The following NRP1 variants were observed in gnomAD, a reference collection of about 807,000 sequenced individuals.
NRP1 encodes the protein neuropilin 1, also known as neuropilin-1.
In NRP1, 35 loss-of-function variants were observed where a neutral mutation model predicts 106.7. The observed-to-expected ratio is 0.33, with a 90% CI of 0.25 to 0.43. The LOEUF is 0.43. NRP1 is among the 20% of genes least tolerant of loss of function. NRP1 has a pLI of 1.00. For missense variants in NRP1, 1,024 were observed against 1,170.4 expected (o/e 0.87, Z 1.83); for synonymous variants, 437 against 417.9 (o/e 1.05, Z -0.56).
intron 2 of NRP1, among the ~76,000 whole-genome samples, chr10:33,299,459 C>T (rs1176091435): frequency 6.6e-6 from 1 of 152,076 alleles, no homozygotes; most frequent in Non-Finnish European, 1.5e-5. Flanking sequence ...TGAGGCAGGC[C>T]CACTTCTAGG....
chr10:33,215,823 C>A (rs887768754), intron 8 of NRP1, among the ~76,000 whole-genome samples: 1 of 152,174 alleles, frequency 6.6e-6, no homozygotes, highest in Non-Finnish European at 1.5e-5. Flanking sequence ...AAATTACGCA[C>A]GTCATTTTCA....
intron 10 of NRP1, among the ~76,000 whole-genome samples, chr10:33,204,202 G>A (rs1308231809): frequency 3.3e-5 from 5 of 152,100 alleles, no homozygotes; most frequent in Non-Finnish European, 5.9e-5. Context: ...CTCGCCAGTA[G>A]GAATGTGTCA....
chr10:33,181,543 G>A (rs1804815361), intron 16 of NRP1, among the ~76,000 whole-genome samples: 2 of 152,304 alleles, frequency 1.3e-5, no homozygotes, highest in South Asian at 4.1e-4. Context: ...GAGTGATGGT[G>A]GAGCAAGTGT....
chr10:33,239,720 C>G (rs1840866761), intron 6 of NRP1, among the ~76,000 whole-genome samples: 1 of 152,158 alleles, frequency 6.6e-6, no homozygotes, highest in African/African-American at 2.4e-5. Context: ...TGGAGTTACC[C>G]CCAAAGGCAT....
intron 8 of NRP1, among the ~76,000 whole-genome samples, chr10:33,215,729 C>A (rs981644434): frequency 2.0e-5 from 3 of 152,216 alleles, no homozygotes; most frequent in African/African-American, 7.2e-5. Context: ...CTTAAGAATT[C>A]ATTACTCAGA....
chr10:33,267,500 C>A (rs1192156027), intron 3 of NRP1, among the ~76,000 whole-genome samples: 1 of 152,150 alleles, frequency 6.6e-6, no homozygotes, highest in African/African-American at 2.4e-5. Flanking sequence ...TCAAGATACT[C>A]TCTTTGGAAT....
chr10:33,302,503 C>T (rs1245427447), intron 2 of NRP1, among the ~76,000 whole-genome samples: 1 of 152,246 alleles, frequency 6.6e-6, no homozygotes, highest in Non-Finnish European at 1.5e-5. Context: ...TTGCCAGCCA[C>T]TCTTATTTTC....
At chr10:33,217,280 T>C (rs978720789) in intron 8 of NRP1, among the ~76,000 whole-genome samples, 2 of 152,122 alleles carry the variant, frequency 1.3e-5, no homozygotes, top group African/African-American at 4.8e-5. Flanking sequence ...GGGGCACAGT[T>C]TCTGTATTCA....
rs953717778 is a variant in NRP1, at chr10:33,244,925, T to C, written c.981+9103A>G. ...CTTTTCTTAATCCCATCCTTATTAG[T>C]GCATTTTGAGACCCAATTGTACAGG... On this transcript the variant is annotated intron_variant, in intron 6 of 16. Coordinates refer to ENST00000374867, the MANE Select transcript of NRP1 (RefSeq NM_003873.7). Among the ~76,000 whole-genome samples the C allele has an allele frequency of 5.9e-5, 9 of 152,202 alleles. No homozygotes were observed. The East Asian group carries it at 9.6e-4, about 16-fold the overall frequency.
chr10:33,184,260 C>T (rs1486992192), intron 15 of NRP1, among the ~76,000 whole-genome samples: 3 of 152,190 alleles, frequency 2.0e-5, no homozygotes, highest in Non-Finnish European at 2.9e-5. Context: ...AAATGATCCT[C>T]CTGCCTCGGC....
intron 2 of NRP1, among the ~76,000 whole-genome samples, chr10:33,281,260 G>T (rs1181094641): frequency 6.6e-6 from 1 of 152,080 alleles, no homozygotes; most frequent in Non-Finnish European, 1.5e-5. Flanking sequence ...ACATTGGCCA[G>T]GCTGGTCTTG....
intron 13 of NRP1, among the ~76,000 whole-genome samples, chr10:33,190,522 T>C (rs1564365521): frequency 6.6e-6 from 1 of 152,172 alleles, no homozygotes; most frequent in Non-Finnish European, 1.5e-5. Flanking sequence ...TCAACCTATT[T>C]AATGGTTATA....
rs577970366 is a variant in NRP1, at chr10:33,212,276, A to T, written c.1614+1110T>A. 2.0e-5 allele frequency: 3 copies of T among 152,392 alleles called. No homozygotes were observed. In the South Asian group the frequency reaches 6.2e-4, roughly 32 times the overall value. 9.4% of individuals were successfully genotyped at this position (152,392 alleles called of 1,614,324 possible). A position where few individuals can be genotyped will look rare whatever the true frequency, so the allele number is the denominator to read the frequency against. The stretch of plus-strand genomic sequence containing the variant: ...CAATAGCTAAAGGTGACAGCAATTC[A>T]AGTGTCCATCAGTGGCTGAATGGAT... On this transcript the variant is annotated intron_variant, in intron 9 of 16. Transcript: ENST00000374867.
At chr10:33,192,179 A>T in intron 13 of NRP1, 102 bp downstream of exon 13, 1 of 1,290,238 alleles carries the variant, frequency 7.8e-7, no homozygotes, top group Non-Finnish European at 1.1e-6. Flanking sequence ...AGTAATTCCT[A>T]CCCGCCCTAA....
chr10:33,239,855 G>A (rs572726050), intron 6 of NRP1, among the ~76,000 whole-genome samples: 28 of 152,292 alleles, frequency 1.8e-4, no homozygotes, highest in Admixed American at 1.7e-3. Flanking sequence ...GGATGTTTAT[G>A]TATCAGATGT....
chr10:33,225,375 C>A (rs1203691581), intron 7 of NRP1, among the ~76,000 whole-genome samples: 1 of 152,198 alleles, frequency 6.6e-6, no homozygotes, highest in African/African-American at 2.4e-5. Flanking sequence ...ATCTTTGCTC[C>A]TATCCTCATC....
chr10:33,237,019 C>A (rs933666265), intron 6 of NRP1, among the ~76,000 whole-genome samples: 2 of 151,672 alleles, frequency 1.3e-5, no homozygotes, highest in African/African-American at 4.8e-5. Context: ...GCAATTATTA[C>A]CTCTGCTTGG....
At chr10:33,273,834 C>A (rs377606915) in intron 2 of NRP1, among the ~76,000 whole-genome samples, 4 of 152,122 alleles carry the variant, frequency 2.6e-5, no homozygotes, top group African/African-American at 9.7e-5. Flanking sequence ...CACAAGGAGG[C>A]TATGAATGGG....
chr10:33,254,737 T>TG (rs1842087107), intron 5 of NRP1, among the ~76,000 whole-genome samples: 1 of 152,198 alleles, frequency 6.6e-6, no homozygotes, highest in Non-Finnish European at 1.5e-5. Flanking sequence ...ACCTCTGGCC[T>TG]GCATGACTAT....
Sources: gnomAD v4.1 joint callset for allele counts (sites outside exome capture counted in the v4.1 genomes callset) on GRCh38, gnomAD v4.1.1 for gene constraint, MANE v1.5 for transcripts, NCBI Gene and HGNC (gene_info 2026-07-23, HGNC 2026-07-21) for gene names.